The following NDUFAF2 variants were observed in gnomAD, a reference collection of about 807,000 sequenced individuals.
NDUFAF2 encodes NADH:ubiquinone oxidoreductase complex assembly factor 2.
NDUFAF2 carries 13 observed loss-of-function variants against 22.8 expected under a neutral mutation model. The ratio of observed to expected loss-of-function variants is 0.57; its 90% confidence interval spans 0.37 to 0.91. The LOEUF (loss-of-function observed/expected upper bound fraction) is 0.91. NDUFAF2 is among the 40% of genes least tolerant of loss of function. The probability of loss-of-function intolerance (pLI) is 0.01; values close to 1 mark genes in which losing one functional copy is unlikely to be tolerated. For missense variants in NDUFAF2, 162 were observed against 195.2 expected, an observed-to-expected ratio of 0.83 and a Z score of 1.01; for synonymous variants, 53 against 64.2, an observed-to-expected ratio of 0.83 and a Z score of 0.84.
intron 3 of NDUFAF2, among the ~76,000 whole-genome samples, chr5:61,148,457 T>C (rs1561140131): frequency 6.6e-6 from 1 of 152,216 alleles, no homozygotes; most frequent in Admixed American, 6.5e-5. Flanking sequence ...CAGAGAGAGA[T>C]GTGTACAAGT....
chr5:61,001,178 T>G (rs1751290419), intron 1 of NDUFAF2, among the ~76,000 whole-genome samples: 2 of 152,094 alleles, frequency 1.3e-5, no homozygotes, highest in Non-Finnish European at 2.9e-5. Context: ...TTCTAACTAT[T>G]TCCCCTATCC....
At chr5:61,079,829 C>G (rs1319148373) in intron 2 of NDUFAF2, among the ~76,000 whole-genome samples, 1 of 152,172 alleles carries the variant, frequency 6.6e-6, no homozygotes, top group Non-Finnish European at 1.5e-5. Flanking sequence ...CCTAGACTCC[C>G]AGCTCCATCT....
rs562628178 is a variant in NDUFAF2, at chr5:61,027,708, A to C, written c.128-45417A>C. On this transcript the variant is annotated intron_variant, in intron 1 of 3. Transcript: ENST00000296597. ...CCCCACTTGAGAATTTGCTATTTTC[A>C]ACATTCCAAAATATATTAGCTTAAC... Among the ~76,000 whole-genome samples the C allele has an allele frequency of 3.3e-5, 5 of 152,036 alleles. No individual in the cohort carries two copies. The South Asian group carries it at 1.0e-3, about 32-fold the overall frequency.
At chr5:61,010,018 C>CAATT (rs1261497152) in intron 1 of NDUFAF2, among the ~76,000 whole-genome samples, 1 of 152,118 alleles carries the variant, frequency 6.6e-6, no homozygotes, top group Non-Finnish European at 1.5e-5. Flanking sequence ...AATGTTCCTT[C>CAATT]AATTGTCTGT....
chr5:61,089,083 G>T (rs1752537850), intron 2 of NDUFAF2, among the ~76,000 whole-genome samples: 1 of 152,018 alleles, frequency 6.6e-6, no homozygotes, highest in Non-Finnish European at 1.5e-5. Flanking sequence ...GTATTTTCTT[G>T]CTTGATTCTT....
intron 1 of NDUFAF2, among the ~76,000 whole-genome samples, chr5:60,990,782 T>G (rs1169342407): frequency 6.6e-6 from 1 of 152,196 alleles, no homozygotes; most frequent in Non-Finnish European, 1.5e-5. Context: ...GATAAATCAT[T>G]ATCATTAAAA....
chr5:61,005,076 A>G (rs1482099178), intron 1 of NDUFAF2, among the ~76,000 whole-genome samples: 1 of 151,966 alleles, frequency 6.6e-6, no homozygotes, highest in East Asian at 1.9e-4. Flanking sequence ...TCCTAATGCT[A>G]TCCCTCCCTG....
intron 1 of NDUFAF2, among the ~76,000 whole-genome samples, chr5:61,042,331 A>G (rs1751894046): frequency 6.6e-6 from 1 of 152,176 alleles, no homozygotes; most frequent in Admixed American, 6.6e-5. Context: ...ATGTATTAAT[A>G]TGAAAAAATC....
chr5:60,977,194 G>A (rs1393489661), intron 1 of NDUFAF2, among the ~76,000 whole-genome samples: 4 of 152,002 alleles, frequency 2.6e-5, no homozygotes, highest in Non-Finnish European at 4.4e-5. Context: ...TTGGGAAGCC[G>A]AGCCAAGAGG....
At chr5:60,950,972 T>C (rs1750538120) in intron 1 of NDUFAF2, among the ~76,000 whole-genome samples, 1 of 152,184 alleles carries the variant, frequency 6.6e-6, no homozygotes, top group Non-Finnish European at 1.5e-5. Context: ...TTTCACTTAG[T>C]AATATGCACT....
intron 1 of NDUFAF2, among the ~76,000 whole-genome samples, chr5:60,976,304 C>CT (rs35600173): frequency 0.16 from 23,518 of 148,080 alleles, 2,457 homozygotes; most frequent in African/African-American, 0.3. Flanking sequence ...AATGTATGTG[C>CT]TTTTTTTTTT....
At chr5:61,007,879 A>G (rs1161693308) in intron 1 of NDUFAF2, among the ~76,000 whole-genome samples, 1 of 152,144 alleles carries the variant, frequency 6.6e-6, no homozygotes, top group Non-Finnish European at 1.5e-5. Flanking sequence ...ACTATTCACA[A>G]TAGCAAAGAG....
intron 1 of NDUFAF2, among the ~76,000 whole-genome samples, chr5:60,992,995 A>G (rs1751180789): frequency 6.6e-6 from 1 of 152,130 alleles, no homozygotes; most frequent in Non-Finnish European, 1.5e-5. Context: ...GTCTCGTTCC[A>G]CACACTGGAC....
intron 1 of NDUFAF2, among the ~76,000 whole-genome samples, chr5:61,028,254 C>T (rs158700): frequency 0.87 from 131,605 of 151,950 alleles, 57,228 homozygotes; most frequent in East Asian, 0.95. Flanking sequence ...GCATGAACAT[C>T]CCCCCCACCA....
At chr5:61,082,415 C>A (rs753718410) in intron 2 of NDUFAF2, among the ~76,000 whole-genome samples, 15 of 152,050 alleles carry the variant, frequency 9.9e-5, no homozygotes, top group South Asian at 2.1e-4. Context: ...TTACTTTTTT[C>A]TTTCTTTCTT....
Position 60,960,297 on chromosome 5 carries a change from A to G in NDUFAF2, c.127+14915A>G, listed in dbSNP as rs117921002. Among the ~76,000 whole-genome samples, 4 of 152,308 alleles carry G rather than the reference A, an allele frequency of 2.6e-5. No homozygotes were observed. The East Asian group carries it at 5.8e-4, about 22-fold the overall frequency. ...AATTAGTATTTCTTAAATACTGTGTATAGGCACTATGCCTAGCATTTGTTG... is the reference window on the plus strand; with the variant it reads ...AATTAGTATTTCTTAAATACTGTGTGTAGGCACTATGCCTAGCATTTGTTG... On this transcript the variant is annotated intron_variant, in intron 1 of 3. Coordinates refer to ENST00000296597, the MANE Select transcript of NDUFAF2 (RefSeq NM_174889.5).
chr5:60,978,592 G>T (rs566318372), intron 1 of NDUFAF2, among the ~76,000 whole-genome samples: 1 of 152,264 alleles, frequency 6.6e-6, no homozygotes, highest in East Asian at 1.9e-4. Context: ...CACCAAGGGG[G>T]ATGGCGTTAA....
intron 1 of NDUFAF2, among the ~76,000 whole-genome samples, chr5:60,971,422 G>A (rs963408219): frequency 3.3e-5 from 5 of 151,904 alleles, no homozygotes; most frequent in African/African-American, 1.2e-4. Flanking sequence ...GAGTAGCTGG[G>A]ACTGCAGGCA....
At chr5:61,044,124 A>G (rs1041561763) in intron 1 of NDUFAF2, among the ~76,000 whole-genome samples, 1 of 152,148 alleles carries the variant, frequency 6.6e-6, no homozygotes, top group African/African-American at 2.4e-5. Flanking sequence ...AATATGTTTC[A>G]TATACCTGTT....
Sources: allele counts gnomAD v4.1 joint callset (sites outside exome capture counted in the v4.1 genomes callset), GRCh38; gene constraint gnomAD v4.1.1; transcripts MANE v1.5; gene names NCBI Gene and HGNC (gene_info 2026-07-23, HGNC 2026-07-21).